PDE4D: variants seen among roughly 807,000 people sequenced by gnomAD.
The protein encoded by PDE4D is 3',5'-cyclic-AMP phosphodiesterase 4D.
PDE4D carries 24 observed loss-of-function variants against 87.4 expected under a neutral mutation model. The observed-to-expected ratio is 0.27, with a 90% CI of 0.20 to 0.39. The LOEUF is 0.39. PDE4D is among the 10% of genes least tolerant of loss of function. The pLI, the probability that PDE4D is intolerant of heterozygous loss-of-function variation, is 1.00. For synonymous variants in PDE4D, 384 were observed against 383.2 expected, an observed-to-expected ratio of 1.00 and a Z score of -0.02; for missense variants, 714 against 1,041.0, an observed-to-expected ratio of 0.69 and a Z score of 4.32.
intron 6 of PDE4D, among the ~76,000 whole-genome samples, chr5:59,018,609 C>A (rs149487086): frequency 0.01 from 1,590 of 152,310 alleles, 34 homozygotes; most frequent in African/African-American, 0.036. Context: ...CCCCTAACAG[C>A]TAGGGAAGCA....
intron 5 of PDE4D, among the ~76,000 whole-genome samples, chr5:59,116,453 G>A (rs781188089): frequency 2.6e-5 from 4 of 152,134 alleles, no homozygotes; most frequent in African/African-American, 4.8e-5. Flanking sequence ...ATGTGCAAAC[G>A]TGATCAATGA....
chr5:60,126,518 T>A (rs1779137644), intron 2 of PDE4D, among the ~76,000 whole-genome samples: 1 of 152,230 alleles, frequency 6.6e-6, no homozygotes, highest in South Asian at 2.1e-4. Context: ...TAACTTGATA[T>A]GTTCAAGGCA....
intron 1 of PDE4D, among the ~76,000 whole-genome samples, chr5:59,405,480 T>C (rs886729183): frequency 1.3e-5 from 2 of 152,202 alleles, no homozygotes; most frequent in African/African-American, 4.8e-5. Context: ...TTTGGTGAAG[T>C]CTTTAGGTTT....
intron 2 of PDE4D, among the ~76,000 whole-genome samples, chr5:60,086,523 A>T (rs1248266245): frequency 2.0e-5 from 3 of 152,244 alleles, no homozygotes; most frequent in Non-Finnish European, 2.9e-5. Flanking sequence ...GCTTCATAGC[A>T]TTTACTAAAA....
chr5:60,420,394 T>C (rs942507478), intron 1 of PDE4D, among the ~76,000 whole-genome samples: 1 of 152,210 alleles, frequency 6.6e-6, no homozygotes. Flanking sequence ...TTCTCAAAGA[T>C]TTGGACTAAC....
At chr5:58,991,570 G>A (rs1435886137) in intron 8 of PDE4D, among the ~76,000 whole-genome samples, 1 of 151,994 alleles carries the variant, frequency 6.6e-6, no homozygotes, top group Non-Finnish European at 1.5e-5. Flanking sequence ...AAACCCAGAA[G>A]ACATGACAGA....
At chr5:59,412,017 G>T (rs936018424) in intron 1 of PDE4D, among the ~76,000 whole-genome samples, 3 of 152,146 alleles carry the variant, frequency 2.0e-5, no homozygotes, top group Non-Finnish European at 4.4e-5. Context: ...AGCACAACAG[G>T]ATACAGAGGT....
In PDE4D at chr5:59,118,205, T is replaced by G. The variant is rs1202259862; in HGVS notation, c.808+62390A>C. Among the ~76,000 whole-genome samples the G allele has an allele frequency of 2.0e-5, 3 of 152,306 alleles. 1 individual carries two copies. The East Asian group carries it at 5.8e-4, about 29-fold the overall frequency. On this transcript the variant is annotated intron_variant, in intron 5 of 14. Transcript: ENST00000340635. ...ACCTTGGAATTGTTTCTTGAACGTA[T>G]CAGGTATGTCTTACCTTGGTAACTT...
intron 1 of PDE4D, among the ~76,000 whole-genome samples, chr5:60,191,112 C>A (rs1370868954): frequency 6.6e-6 from 1 of 152,194 alleles, no homozygotes; most frequent in African/African-American, 2.4e-5. Flanking sequence ...TTTCTAATAA[C>A]AACTTCCCCT....
chr5:59,040,966 G>A (rs1410677095), intron 5 of PDE4D, among the ~76,000 whole-genome samples: 2 of 152,104 alleles, frequency 1.3e-5, no homozygotes, highest in Non-Finnish European at 2.9e-5. Context: ...CATGTGCCAC[G>A]TGGCTTATTG....
chr5:58,972,851 A>AT lies in PDE4D; in HGVS notation c.*1812dup, dbSNP rs1742850161. On this transcript the variant is annotated 3_prime_UTR_variant, in exon 15 of 15. Coordinates refer to ENST00000340635, the MANE Select transcript of PDE4D (RefSeq NM_001104631.2). ...TGAAATCAGCCAAGAGTGATCTCTA[A>AT]TTTTTTATTTAACCAGAATTTTTAC... 1 of 151,778 alleles carries AT rather than the reference A, an allele frequency of 6.6e-6. No individual in the cohort carries two copies. Among genetic ancestry groups the AT allele is most frequent in the Admixed American group, 6.6e-5 (1 of 15,168 alleles). 9.4% of individuals were successfully genotyped at this position (151,778 alleles called of 1,614,324 possible).
At chr5:59,030,292 G>A (rs1303046233) in intron 6 of PDE4D, among the ~76,000 whole-genome samples, 1 of 151,788 alleles carries the variant, frequency 6.6e-6, no homozygotes, top group Non-Finnish European at 1.5e-5. Flanking sequence ...TCTGATAAGA[G>A]GCTAATATTC....
intron 11 of PDE4D, among the ~76,000 whole-genome samples, chr5:58,983,564 A>C (rs1745729282): frequency 6.6e-6 from 1 of 152,192 alleles, no homozygotes; most frequent in African/African-American, 2.4e-5. Context: ...TTCTTTCAAA[A>C]GGAGAGTAGT....
intron 2 of PDE4D, among the ~76,000 whole-genome samples, chr5:60,156,191 GC>G (rs1364323162): frequency 2.0e-5 from 3 of 152,202 alleles, no homozygotes; most frequent in Non-Finnish European, 4.4e-5. Context: ...GGGCCCTGCT[GC>G]CTTCTAAGCC....
intron 1 of PDE4D, among the ~76,000 whole-genome samples, chr5:60,239,773 T>C (rs1746867860): frequency 6.6e-6 from 1 of 152,118 alleles, no homozygotes; most frequent in East Asian, 1.9e-4. Context: ...AATTTTCTAA[T>C]TGTCTTTTGC....
At chr5:59,519,164 C>G (rs538332001) in intron 1 of PDE4D, among the ~76,000 whole-genome samples, 1 of 152,170 alleles carries the variant, frequency 6.6e-6, no homozygotes, top group East Asian at 1.9e-4. Context: ...AGCAAATATT[C>G]ATTGAGCACC....
At chr5:59,387,814 C>T (rs1479011372) in intron 1 of PDE4D, among the ~76,000 whole-genome samples, 1 of 152,008 alleles carries the variant, frequency 6.6e-6, no homozygotes, top group African/African-American at 2.4e-5. Flanking sequence ...TAAAAATCTA[C>T]TCTTTTAGCT....
intron 1 of PDE4D, among the ~76,000 whole-genome samples, chr5:59,572,127 C>T (rs369794453): frequency 6.6e-6 from 1 of 152,182 alleles, no homozygotes; most frequent in East Asian, 1.9e-4. Context: ...TCCACTCTTA[C>T]ACAACAAATG....
rs137900775 is a variant in PDE4D at position 59,924,469 on chromosome 5, G to A, written c.272+64019C>T. 5.3e-5 allele frequency among the ~76,000 whole-genome samples: 8 copies of A among 151,562 alleles called. No homozygotes were observed. The East Asian group carries it at 1.5e-3, about 29-fold the overall frequency. ...TCCCAAAGGTCAAAGATAAAGAAAG[G>A]ACTCTAAAAGCAACAGGAGAAAATA... is the stretch of plus-strand genomic sequence containing the variant. On this transcript the variant is annotated intron_variant, in intron 3 of 16. Transcript: ENST00000502484.
Sources: gnomAD v4.1 joint callset for allele counts (sites outside exome capture counted in the v4.1 genomes callset) on GRCh38, gnomAD v4.1.1 for gene constraint, MANE v1.5 for transcripts, NCBI Gene and HGNC (gene_info 2026-07-23, HGNC 2026-07-21) for gene names.